Variants in TGFB1I1 observed in about 807,000 individuals in gnomAD.
The protein encoded by TGFB1I1 is transforming growth factor beta 1 induced transcript 1, also known as transforming growth factor beta-1-induced transcript 1 protein.
In TGFB1I1, 33 loss-of-function variants were observed where a neutral mutation model predicts 52.0. The observed-to-expected ratio is 0.63, with a 90% confidence interval of 0.48 to 0.85. The LOEUF (loss-of-function observed/expected upper bound fraction) is 0.85, where lower values mean the gene tolerates loss of function less well. Among genes scored for constraint, TGFB1I1 ranks in the 40% least tolerant of loss-of-function variants. TGFB1I1 has a pLI of 0.00. For missense variants in TGFB1I1, 577 were observed against 614.9 expected (o/e 0.94, Z 0.65); for synonymous variants, 236 against 253.3 (o/e 0.93, Z 0.65).
Position 31,474,398 on chromosome 16 carries a change from C to T in TGFB1I1, c.462C>T (p.Ala154=), listed in dbSNP as rs1355763061. 3.7e-6 allele frequency: 6 copies of T among 1,614,122 alleles called. No individual in the cohort carries two copies. The highest frequency in any genetic ancestry group is 5.1e-6 in the Non-Finnish European group (6 of 1,180,060). ...PGLPKASATS[A]TLELDRLMAS... is the part of the protein sequence containing the mutation. ...TCCCAAAGGCTTCTGCCACCTCAGCCACTCTGGAGCTGGATAGACTGATGG... is the reference window on the plus strand; with the variant it reads ...TCCCAAAGGCTTCTGCCACCTCAGCTACTCTGGAGCTGGATAGACTGATGG... Residue 154 remains alanine, a synonymous_variant, in exon 6 of 11, where the codon GCC becomes GCT. Transcript: ENST00000394863. This position sits in a 1 kb window ranked among gnomAD's most constrained non-coding sequence, Gnocchi z 4.2.
At chr16:31,475,296 C>A (rs1032354245) in intron 7 of TGFB1I1, 1 of 155,298 alleles carries the variant, frequency 6.4e-6, no homozygotes, top group Admixed American at 6.3e-5. Flanking sequence ...TGAGTCCCTT[C>A]GTCCATTAAA....
chr16:31,477,396 C>T lies in TGFB1I1; in HGVS notation c.1206C>T (p.Gly402=), dbSNP rs753687520. Residue 402 remains glycine (G), a synonymous_variant, in exon 11 of 11, where the codon GGC becomes GGT. Coordinates refer to ENST00000394863, the MANE Select transcript of TGFB1I1 (RefSeq NM_001042454.3). This position sits in a 1 kb window ranked among gnomAD's most constrained non-coding sequence, Gnocchi z 4.7. ...AGAACCACTTCCACGCACGACGCGG[C>T]TCGCTGTGCGCCACGTGTGGCCTCC... The part of the protein sequence containing the change: ...LCENHFHARR[G]SLCATCGLPV... 6.2e-7 allele frequency: 1 copy of T among 1,610,256 alleles called. No individual in the cohort carries two copies. The highest frequency in any genetic ancestry group is 1.1e-5 in the South Asian group (1 of 90,528).
Position 31,476,728 on chromosome 16 carries a change from C to A in TGFB1I1, c.971-134C>A. 6.7e-7 allele frequency: 1 copy of A among 1,495,660 alleles called. No homozygotes were observed. The allele number at this position is 1,495,660 out of a possible 1,614,324, so 92.6% of individuals were successfully genotyped here. ...GGACCCGAGCCCTCCCCGCTCTGTC[C>A]CGCCATAGACCCGGCTCCTCCTTCC... On this transcript the variant is annotated intron_variant, in intron 9 of 10. Coordinates refer to ENST00000394863, the MANE Select transcript of TGFB1I1 (RefSeq NM_001042454.3). The surrounding 1 kb of genome is among the most constrained non-coding windows in gnomAD (Gnocchi z 7.6).
At position 31,477,079 on chromosome 16, in the gene TGFB1I1, A is replaced by C; in HGVS notation, c.1119+69A>C. The C allele has an allele frequency of 5.8e-6, 2 of 343,492 alleles. No homozygotes were observed. The highest frequency in any genetic ancestry group is 9.1e-6 in the Non-Finnish European group (2 of 220,524). 21.3% of individuals were successfully genotyped at this position (343,492 alleles called of 1,614,324 possible). A position where few individuals can be genotyped will look rare whatever the true frequency, so the allele number is the denominator to read the frequency against. On this transcript the variant is annotated intron_variant, in intron 10 of 10. Coordinates refer to ENST00000394863, the MANE Select transcript of TGFB1I1 (RefSeq NM_001042454.3). The surrounding 1 kb of genome is among the most constrained non-coding windows in gnomAD (Gnocchi z 4.7). ...ACAGGGCTGTGGGGCGGGGCCTTGG[A>C]GGGGCGGGTCAAGGGTGCAGGGCAG...
chr16:31,472,536 G>T, intron 1 of TGFB1I1: 1 of 292,520 alleles, frequency 3.4e-6, no homozygotes. Flanking sequence ...AAAGTAGAGG[G>T]CACGGGAAAG....
In TGFB1I1 at chr16:31,477,603, C is replaced by G. The variant is rs772441054; in HGVS notation, c.*27C>G. The G allele has an allele frequency of 1.3e-5, 20 of 1,566,356 alleles. No individual in the cohort carries two copies. The East Asian group carries it at 1.4e-4, about 11-fold the overall frequency. On this transcript the variant is annotated 3_prime_UTR_variant, in exon 11 of 11. Coordinates refer to ENST00000394863, the MANE Select transcript of TGFB1I1 (RefSeq NM_001042454.3). This position sits in a 1 kb window ranked among gnomAD's most constrained non-coding sequence, Gnocchi z 4.7. ...AGCCCGCTCGGCTCGCCCTCTCCCCCGGAGGCCGCGCCCTCCCGGAAAAGC... is the reference window on the plus strand; with the variant it reads ...AGCCCGCTCGGCTCGCCCTCTCCCCGGGAGGCCGCGCCCTCCCGGAAAAGC...
Position 31,477,466 on chromosome 16 carries a change from C to A in TGFB1I1, c.1276C>A (p.Pro426Thr). 1 of 1,602,460 alleles carries A rather than the reference C, an allele frequency of 6.2e-7. No homozygotes were observed. The highest frequency in any genetic ancestry group is 2.3e-5 in the East Asian group (1 of 44,208). ...GTCGGCCCTGGGTCGCCGCTTCCACCCGGACCACTTCACATGCACCTTCTG... is the reference window on the plus strand; with the variant it reads ...GTCGGCCCTGGGTCGCCGCTTCCACACGGACCACTTCACATGCACCTTCTG... ...CVSALGRRFH[P>T]DHFTCTFCLR... is the part of the protein sequence containing the mutation. Residue 426 changes from proline to threonine, a missense_variant, in exon 11 of 11, where the codon CCG becomes ACG. Pro to Thr is a conservative substitution (Grantham distance 38). Around this residue, in one of 3 missense-constraint regions of TGFB1I1, gnomAD observed 456 missense variants for 461.6 expected, o/e 0.99. Transcript: ENST00000394863. The surrounding 1 kb of genome is among the most constrained non-coding windows in gnomAD (Gnocchi z 4.7).
chr16:31,472,251 G>T, intron 1 of TGFB1I1, 50 bp downstream of exon 1: 1 of 1,439,884 alleles, frequency 6.9e-7, no homozygotes. Context: ...GCTGCCCAGA[G>T]CTGCCTCCCC....
In TGFB1I1 at chr16:31,474,978, T is replaced by G; in HGVS notation, c.714+221T>G. The G allele has an allele frequency of 1.8e-6, 1 of 570,238 alleles. No individual in the cohort carries two copies. The highest frequency in any genetic ancestry group is 3.1e-6 in the Non-Finnish European group (1 of 321,182). The allele number at this position is 570,238 out of a possible 1,614,324, so 35.3% of individuals were successfully genotyped here. ...GTTACCATTTATTGTGGTCCTACTG[T>G]GTGCCAGGCACTGTGCCAGCTCCTT... On this transcript the variant is annotated intron_variant, in intron 7 of 10. Coordinates refer to ENST00000394863, the MANE Select transcript of TGFB1I1 (RefSeq NM_001042454.3). This position sits in a 1 kb window ranked among gnomAD's most constrained non-coding sequence, Gnocchi z 4.2.
chr16:31,475,864 C>A, intron 7 of TGFB1I1, 148 bp from the exon 8 acceptor site: 1 of 841,164 alleles, frequency 1.2e-6, no homozygotes, highest in Non-Finnish European at 1.8e-6. Context: ...GGAGCTAGAT[C>A]TCCATCGCTT....
In TGFB1I1 at chr16:31,474,102, G is replaced by T; in HGVS notation, c.326-50G>T. The T allele has an allele frequency of 1.9e-6, 3 of 1,611,396 alleles. No individual in the cohort carries two copies. The highest frequency in any genetic ancestry group is 2.5e-6 in the Non-Finnish European group (3 of 1,177,906). ...AGGGACCTAAAGCCTCAAGTGTGAG[G>T]GTGCGTTGAGCATGGCCCTATATGT... On this transcript the variant is annotated intron_variant, in intron 4 of 10. Transcript: ENST00000394863. This position sits in a 1 kb window ranked among gnomAD's most constrained non-coding sequence, Gnocchi z 4.2.
intron 1 of TGFB1I1, 136 bp downstream of exon 1, chr16:31,472,337 A>G: frequency 1.6e-6 from 2 of 1,271,500 alleles, no homozygotes; most frequent in East Asian, 3.1e-5. Context: ...CTCCTTTCCA[A>G]CTCCACGTCC....
At position 31,476,045 on chromosome 16, in the gene TGFB1I1, G is replaced by A. The variant is rs752330093; in HGVS notation, c.748G>A (p.Glu250Lys). 1.2e-5 allele frequency: 20 copies of A among 1,613,370 alleles called. No homozygotes were observed. Among genetic ancestry groups the A allele is most frequent in the Non-Finnish European group, 1.6e-5 (19 of 1,180,006 alleles). ...VTALGRAWHP[E>K]HFVCGGCSTA... ...GGCTCTGGGCCGCGCCTGGCACCCCGAGCACTTCGTTTGCGGAGGCTGTTC... is the reference window on the plus strand; with the variant it reads ...GGCTCTGGGCCGCGCCTGGCACCCCAAGCACTTCGTTTGCGGAGGCTGTTC... Residue 250 changes from glutamate (E) to lysine (K), a missense_variant, in exon 8 of 11, where the codon GAG becomes AAG. This residue lies in a region of TGFB1I1 where 456 missense variants were observed against 461.6 expected (regional missense o/e 0.99). Coordinates refer to ENST00000394863, the MANE Select transcript of TGFB1I1 (RefSeq NM_001042454.3). The surrounding 1 kb of genome is among the most constrained non-coding windows in gnomAD (Gnocchi z 7.6).
At position 31,473,972 on chromosome 16, in the gene TGFB1I1, T is replaced by C. The variant is rs562455664; in HGVS notation, c.320T>C (p.Ile107Thr). The C allele has an allele frequency of 6.2e-7, 1 of 1,602,692 alleles. No individual in the cohort carries two copies. The highest frequency in any genetic ancestry group is 1.3e-5 in the African/African-American group (1 of 74,236). ...LQELNATQFN[I>T]TDEIMSQFPS... is the part of the protein sequence containing the mutation. ...GAACTTAATGCCACTCAGTTCAACA[T>C]CACAGGTACCAGGGTGACTGAGAGA... Residue 107 changes from isoleucine to threonine, a missense_variant, in exon 4 of 11, where the codon ATC (isoleucine) becomes ACC (threonine). Physicochemically the swap from Ile to Thr is moderately conservative, Grantham distance 89. This residue lies in a region of TGFB1I1 where 8 missense variants were observed against 29.4 expected (regional missense o/e 0.27). Transcript: ENST00000394863.
At position 31,477,606 on chromosome 16, in the gene TGFB1I1, A is replaced by G; in HGVS notation, c.*30A>G. 1 of 1,564,288 alleles carries G rather than the reference A, an allele frequency of 6.4e-7. No individual in the cohort carries two copies. On this transcript the variant is annotated 3_prime_UTR_variant, in exon 11 of 11. Coordinates refer to ENST00000394863, the MANE Select transcript of TGFB1I1 (RefSeq NM_001042454.3). This position sits in a 1 kb window ranked among gnomAD's most constrained non-coding sequence, Gnocchi z 4.7. ...CCGCTCGGCTCGCCCTCTCCCCCGG[A>G]GGCCGCGCCCTCCCGGAAAAGCCGG...
At position 31,476,989 on chromosome 16, in the gene TGFB1I1, C is replaced by T. The variant is rs1484707033; in HGVS notation, c.1098C>T (p.His366=). Residue 366 remains histidine, a synonymous_variant, in exon 10 of 11, where the codon CAC becomes CAT. Coordinates refer to ENST00000394863, the MANE Select transcript of TGFB1I1 (RefSeq NM_001042454.3). The surrounding 1 kb of genome is among the most constrained non-coding windows in gnomAD (Gnocchi z 7.6). ...NYISALSALW[H]PDCFVCRECF... ...TCTCGGCGCTCAGCGCGCTCTGGCA[C>T]CCGGACTGTTTCGTCTGCAGGGTGC... 2 of 1,590,854 alleles carry T rather than the reference C, an allele frequency of 1.3e-6. No homozygotes were observed. Among genetic ancestry groups the T allele is most frequent in the South Asian group, 2.2e-5 (2 of 88,972 alleles).
At position 31,473,554 on chromosome 16, in the gene TGFB1I1, C is replaced by G. The variant is rs762012409; in HGVS notation, c.127C>G (p.Gln43Glu). The change falls in exon 2 of 11, where the codon CAG becomes GAG. Residue 43 changes from glutamine (Q) to glutamate (E), a missense_variant and splice_region_variant. Coordinates refer to ENST00000394863, the MANE Select transcript of TGFB1I1 (RefSeq NM_001042454.3). The part of the protein sequence containing the change: ...TPPPSYGHQP[Q>E]TGSGESSGAS... ...TCCCCCATCCTATGGCCACCAGCCA[C>G]AGGTGAGATCGGATGTTGGGGACTG... The G allele has an allele frequency of 4.8e-5, 78 of 1,613,436 alleles. No individual in the cohort carries two copies. The highest frequency in any genetic ancestry group is 6.0e-5 in the Non-Finnish European group (71 of 1,179,694).
chr16:31,477,935 A>T lies in TGFB1I1; in HGVS notation c.*359A>T. On this transcript the variant is annotated 3_prime_UTR_variant, in exon 11 of 11. Coordinates refer to ENST00000394863, the MANE Select transcript of TGFB1I1 (RefSeq NM_001042454.3). The surrounding 1 kb of genome is among the most constrained non-coding windows in gnomAD (Gnocchi z 4.7). The stretch of plus-strand genomic sequence containing the variant: ...ACTGTTCTGTGCACTTTTTCTACCT[A>T]CATAAACACACGCATTCCACCTCTC... The T allele has an allele frequency of 3.6e-6, 1 of 275,992 alleles. No individual in the cohort carries two copies. The highest frequency in any genetic ancestry group is 6.8e-6 in the Non-Finnish European group (1 of 146,668). 17.1% of individuals were successfully genotyped at this position (275,992 alleles called of 1,614,324 possible). A position where few individuals can be genotyped will look rare whatever the true frequency, so the allele number is the denominator to read the frequency against.
intron 7 of TGFB1I1, 176 bp from the exon 8 acceptor site, chr16:31,475,836 G>C: frequency 8.8e-6 from 6 of 680,530 alleles, no homozygotes; most frequent in Non-Finnish European, 9.8e-6. Flanking sequence ...CTGGAGCGCA[G>C]CTGGAAGACG....
Sources: allele counts gnomAD v4.1 joint callset, GRCh38; gene constraint gnomAD v4.1.1; regional missense constraint gnomAD v4.1.1; non-coding constraint Gnocchi (gnomAD v3.1); transcripts MANE v1.5; gene names NCBI Gene and HGNC (gene_info 2026-07-23, HGNC 2026-07-21).